FOXP2: variants seen among roughly 807,000 people sequenced by gnomAD.
FOXP2 encodes the protein forkhead box P2, also known as forkhead box protein P2.
Under a neutral mutation model 115.8 loss-of-function variants are expected in FOXP2, and 12 were observed. That is an observed-to-expected ratio of 0.10 (90% CI 0.07 to 0.17). FOXP2 has a LOEUF of 0.17. Among genes scored for constraint, FOXP2 ranks in the 10% least tolerant of loss-of-function variants. The probability of loss-of-function intolerance (pLI) is 1.00; values close to 1 mark genes in which losing one functional copy is unlikely to be tolerated. For missense variants in FOXP2, 629 were observed against 843.5 expected, an observed-to-expected ratio of 0.75 and a Z score of 3.15; for synonymous variants, 328 against 297.7, an observed-to-expected ratio of 1.10 and a Z score of -1.05.
chr7:114,447,399 C>T (rs1794881336), intron 2 of FOXP2, among the ~76,000 whole-genome samples: 1 of 151,448 alleles, frequency 6.6e-6, no homozygotes, highest in Non-Finnish European at 1.5e-5. Flanking sequence ...GGCCACTGTG[C>T]CTAGCAAGGC....
intron 2 of FOXP2, among the ~76,000 whole-genome samples, chr7:114,518,178 C>T (rs1798436995): frequency 6.6e-6 from 1 of 151,964 alleles, no homozygotes; most frequent in Non-Finnish European, 1.5e-5. Flanking sequence ...TTGTCCACCC[C>T]TTTTTATACC....
chr7:114,102,667 T>A (rs996764934), intron 1 of FOXP2, among the ~76,000 whole-genome samples: 3 of 146,388 alleles, frequency 2.0e-5, no homozygotes, highest in African/African-American at 7.8e-5. Context: ...ATGGACCATA[T>A]TTTGCTACAC....
intron 3 of FOXP2, among the ~76,000 whole-genome samples, chr7:114,569,838 T>C (rs1801202563): frequency 6.6e-6 from 1 of 151,892 alleles, no homozygotes; most frequent in Non-Finnish European, 1.5e-5. Context: ...ATAGATGTAT[T>C]TGAAAAGAAT....
intron 4 of FOXP2, 129 bp downstream of exon 4, chr7:114,628,806 A>G: frequency 9.0e-7 from 1 of 1,105,812 alleles, no homozygotes; most frequent in South Asian, 1.3e-5. Context: ...GTGCTAGAAC[A>G]TAAATGTAAC....
chr7:114,179,168 T>C (rs1793393061), intron 1 of FOXP2, among the ~76,000 whole-genome samples: 1 of 151,954 alleles, frequency 6.6e-6, no homozygotes, highest in Non-Finnish European at 1.5e-5. Flanking sequence ...TTTCTGTCTT[T>C]TATTAATATT....
At position 114,166,676 on chromosome 7, in the gene FOXP2, G is replaced by A. The variant is rs532376116; in HGVS notation, c.-102+3588G>A. Among the ~76,000 whole-genome samples the A allele has an allele frequency of 9.5e-4, 144 of 152,256 alleles. 2 individuals are homozygous for A. The highest frequency in any genetic ancestry group is 3.1e-3 in the African/African-American group (128 of 41,550). Reference sequence around the variant, plus strand: ...ACCAAGATTGCGCCACTGCACTCCCGCCTGGGTGACAGAGTGAGACTTTGT... The same window carrying A: ...ACCAAGATTGCGCCACTGCACTCCCACCTGGGTGACAGAGTGAGACTTTGT... On this transcript the variant is annotated intron_variant, in intron 1 of 17. Transcript: ENST00000634411.
intron 3 of FOXP2, among the ~76,000 whole-genome samples, chr7:114,574,572 A>G (rs905377755): frequency 2.6e-5 from 4 of 151,840 alleles, no homozygotes; most frequent in Non-Finnish European, 4.4e-5. Flanking sequence ...CTTACAAGAT[A>G]GTAACCCAAG....
At chr7:114,254,484 GTTCAT>G (rs1249950660) in intron 1 of FOXP2, among the ~76,000 whole-genome samples, 1 of 152,124 alleles carries the variant, frequency 6.6e-6, no homozygotes, top group Non-Finnish European at 1.5e-5. Flanking sequence ...TGCAAACTTT[GTTCAT>G]TTCTTTTTAC....
At chr7:114,430,816 C>T (rs1214921071) in intron 2 of FOXP2, among the ~76,000 whole-genome samples, 1 of 151,828 alleles carries the variant, frequency 6.6e-6, no homozygotes, top group Admixed American at 6.6e-5. Context: ...CTTATACTCG[C>T]TTAATCTCAA....
intron 1 of FOXP2, among the ~76,000 whole-genome samples, chr7:114,194,450 A>AT (rs879615544): frequency 3.5e-4 from 53 of 150,180 alleles, no homozygotes; most frequent in South Asian, 1.1e-3. Flanking sequence ...TATTTCATTG[A>AT]TTTTTTTTTG....
intron 3 of FOXP2, among the ~76,000 whole-genome samples, chr7:114,613,523 A>C (rs1279630328): frequency 2.6e-5 from 4 of 151,918 alleles, no homozygotes; most frequent in African/African-American, 7.3e-5. Context: ...AAAATACAAA[A>C]AATTAGCCAG....
intron 2 of FOXP2, among the ~76,000 whole-genome samples, chr7:114,359,346 G>A (rs79530323): frequency 0.088 from 13,329 of 152,270 alleles, 659 homozygotes; most frequent in Middle Eastern, 0.16. Flanking sequence ...CACAGGCAGA[G>A]GGCTCATGGA....
intron 2 of FOXP2, among the ~76,000 whole-genome samples, chr7:114,462,459 C>A (rs1795617064): frequency 6.7e-6 from 1 of 148,482 alleles, no homozygotes; most frequent in South Asian, 2.2e-4. Context: ...GCAACCTCCG[C>A]CTCCCGAGTT....
At position 114,525,709 on chromosome 7, in the gene FOXP2, C is replaced by T. The variant is rs189422974; in HGVS notation, c.169-8908C>T. Reference sequence around the variant, plus strand: ...CTGCATGTCAAAGTCACCTGTCCTCCCATCTCTTCAGCCTGTCTCCTCCCC... The same window carrying T: ...CTGCATGTCAAAGTCACCTGTCCTCTCATCTCTTCAGCCTGTCTCCTCCCC... On this transcript the variant is annotated intron_variant, in intron 2 of 16. Coordinates refer to ENST00000350908, the MANE Select transcript of FOXP2 (RefSeq NM_014491.4). Among the ~76,000 whole-genome samples, 314 of 152,286 alleles carry T rather than the reference C, an allele frequency of 2.1e-3. 2 individuals are homozygous for T. Among genetic ancestry groups the T allele is most frequent in the African/African-American group, 6.4e-3 (265 of 41,560 alleles).
chr7:114,420,502 G>T (rs981236783), intron 1 of FOXP2, among the ~76,000 whole-genome samples: 1 of 151,850 alleles, frequency 6.6e-6, no homozygotes, highest in African/African-American at 2.4e-5. Context: ...GAAAATCTGT[G>T]ACAGAATATA....
chr7:114,584,770 G>C (rs1181544985), intron 3 of FOXP2, among the ~76,000 whole-genome samples: 1 of 152,090 alleles, frequency 6.6e-6, no homozygotes, highest in Admixed American at 6.6e-5. Flanking sequence ...ATCATGTCCT[G>C]GCTAAGGTAT....
At chr7:114,669,506 C>T (rs1807378955) in intron 16 of FOXP2, 1 of 151,838 alleles carries the variant, frequency 6.6e-6, no homozygotes, top group Non-Finnish European at 1.5e-5. Flanking sequence ...TAATATTGTT[C>T]CCTTATGCAC....
At chr7:114,634,692 G>C (rs1191960512) in intron 6 of FOXP2, among the ~76,000 whole-genome samples, 1 of 151,710 alleles carries the variant, frequency 6.6e-6, no homozygotes, top group Non-Finnish European at 1.5e-5. Context: ...GTTCCATCTT[G>C]AATAATATAC....
chr7:114,300,326 G>A (rs1018371594), intron 2 of FOXP2, among the ~76,000 whole-genome samples: 1 of 151,964 alleles, frequency 6.6e-6, no homozygotes, highest in African/African-American at 2.4e-5. Context: ...TAATGCAGGT[G>A]CGAAGCACTA....
Sources: allele counts gnomAD v4.1 joint callset (sites outside exome capture counted in the v4.1 genomes callset), GRCh38; gene constraint gnomAD v4.1.1; transcripts MANE v1.5; gene names NCBI Gene and HGNC (gene_info 2026-07-23, HGNC 2026-07-21).